The following CSMD2 variants were observed in gnomAD, a reference collection of about 807,000 sequenced individuals.
CSMD2 encodes the protein CUB and Sushi multiple domains 2, also known as CUB and sushi domain-containing protein 2.
CSMD2 carries 130 observed loss-of-function variants against 398.5 expected under a neutral mutation model. The ratio of observed to expected loss-of-function variants is 0.33; its 90% CI spans 0.28 to 0.38. The LOEUF is 0.38. Ranked by LOEUF, CSMD2 falls within the 10% of genes least tolerant of loss-of-function variation. CSMD2 has a pLI of 1.00. For missense variants in CSMD2, 3,829 were observed against 4,764.9 expected (o/e 0.80, Z 5.78); for synonymous variants, 1,828 against 1,908.5 (o/e 0.96, Z 1.10).
rs753962666 is a variant in CSMD2 at position 33,820,565 on chromosome 1, C to CA, written c.1112-10dup. Reference sequence around the variant, plus strand: ...CACACCAACCTGAGTTACTACAAGGCAAAAAAAAAAAAAAAAAAAAAAACA... The same window carrying CA: ...CACACCAACCTGAGTTACTACAAGGCAAAAAAAAAAAAAAAAAAAAAAAACA... On this transcript the variant is annotated splice_polypyrimidine_tract_variant and intron_variant, in intron 7 of 70. Transcript: ENST00000373381. The CA allele has an allele frequency of 0.018, 7,925 of 441,798 alleles. 120 individuals are homozygous for CA. The highest frequency in any genetic ancestry group is 0.022 in the South Asian group (708 of 32,228). The allele number at this position is 441,798 out of a possible 1,614,324, so 27.4% of individuals were successfully genotyped here.
At chr1:33,864,251 G>A in intron 5 of CSMD2, 2 of 1,610,696 alleles carry the variant, frequency 1.2e-6, no homozygotes, top group South Asian at 1.1e-5. Context: ...TTCACTTTTT[G>A]CTGAATTACA....
At chr1:33,735,677 C>T (rs934794755) in intron 15 of CSMD2, among the ~76,000 whole-genome samples, 1 of 152,200 alleles carries the variant, frequency 6.6e-6, no homozygotes, top group African/African-American at 2.4e-5. Flanking sequence ...AATCATCCTT[C>T]TTTCTAAATT....
intron 2 of CSMD2, among the ~76,000 whole-genome samples, chr1:34,049,223 T>C (rs1001872156): frequency 2.6e-5 from 4 of 152,198 alleles, no homozygotes; most frequent in African/African-American, 9.7e-5. Context: ...CCTGTGGGCC[T>C]CATCTGTAGA....
In CSMD2 at chr1:33,633,002, G is replaced by C. The variant is rs575182172; in HGVS notation, c.5200+420C>G. ...TTGTTGAATAAAATATGTAAACGTC[G>C]AAGTAGATACAAAGACTGGAAGGAA... On this transcript the variant is annotated intron_variant, in intron 32 of 70. Transcript: ENST00000373381. The surrounding 1 kb of genome is among the most constrained non-coding windows in gnomAD (Gnocchi z 5.0). Among the ~76,000 whole-genome samples, 1 of 152,124 alleles carries C rather than the reference G, an allele frequency of 6.6e-6. No homozygotes were observed. Among genetic ancestry groups the C allele is most frequent in the Non-Finnish European group, 1.5e-5 (1 of 68,022 alleles).
intron 2 of CSMD2, among the ~76,000 whole-genome samples, chr1:34,044,864 G>A (rs1037149828): frequency 2.0e-5 from 3 of 152,158 alleles, no homozygotes; most frequent in Non-Finnish European, 1.5e-5. Context: ...TGTAAGCAAC[G>A]TTTGTCACAC....
intron 3 of CSMD2, among the ~76,000 whole-genome samples, chr1:34,020,441 C>T (rs1053339948): frequency 2.0e-5 from 3 of 152,168 alleles, no homozygotes; most frequent in Admixed American, 6.5e-5. Flanking sequence ...GTCCATGAGA[C>T]GGGTCTCAGG....
intron 25 of CSMD2, among the ~76,000 whole-genome samples, chr1:33,668,881 C>A (rs1644399118): frequency 6.6e-6 from 1 of 152,166 alleles, no homozygotes; most frequent in Admixed American, 6.5e-5. Context: ...TCTGTGCTTG[C>A]CCTGGAGGAA....
At chr1:33,529,151 T>C (rs1010356643) in intron 64 of CSMD2, among the ~76,000 whole-genome samples, 6 of 152,214 alleles carry the variant, frequency 3.9e-5, no homozygotes, top group Admixed American at 3.9e-4. Context: ...ACAATTTATT[T>C]TTATTTAGAG....
intron 10 of CSMD2, among the ~76,000 whole-genome samples, chr1:33,798,923 T>A (rs1410437199): frequency 3.3e-5 from 5 of 152,220 alleles, no homozygotes; most frequent in Non-Finnish European, 7.3e-5. Context: ...CTGCAGAGGA[T>A]CTGCCAGCTC....
intron 9 of CSMD2, chr1:33,814,127 CT>C (rs1657183618): frequency 6.6e-6 from 1 of 152,274 alleles, no homozygotes; most frequent in Non-Finnish European, 1.5e-5. Context: ...GTCTTGTCTT[CT>C]GTCCTTATGC....
rs2148564165 is a variant in CSMD2 at position 33,533,164 on chromosome 1, T to C, written c.10057A>G (p.Met3353Val). 1 of 1,613,974 alleles carries C rather than the reference T, an allele frequency of 6.2e-7. No individual in the cohort carries two copies. Among genetic ancestry groups the C allele is most frequent in the South Asian group, 1.1e-5 (1 of 91,028 alleles). ...ANVGALDLPS[M>V]GYTLIYSCQE... ...CAGGAGTAGATGAGCGTGTAGCCCATGGAGGGCAAATCCAGGGCCCCGACG... is the reference window on the plus strand; with the variant it reads ...CAGGAGTAGATGAGCGTGTAGCCCACGGAGGGCAAATCCAGGGCCCCGACG... Residue 3353 changes from methionine (M) to valine (V), a missense_variant, in exon 64 of 71, where the codon ATG becomes GTG. By Grantham distance (21) the Met-to-Val change is conservative (BLOSUM62 1). Transcript: ENST00000373381. The surrounding 1 kb of genome is among the most constrained non-coding windows in gnomAD (Gnocchi z 4.2).
intron 10 of CSMD2, chr1:33,804,892 CT>C (rs1656042111): frequency 4.2e-6 from 3 of 717,250 alleles, no homozygotes; most frequent in African/African-American, 1.7e-5. Context: ...CCTGGGTCTC[CT>C]CCCGCCTGGA....
chr1:33,950,173 T>G (rs993960505), intron 3 of CSMD2, among the ~76,000 whole-genome samples: 1 of 152,114 alleles, frequency 6.6e-6, no homozygotes. Context: ...TTGTTCTGTC[T>G]TCAGACTTGC....
At chr1:33,672,957 T>C (rs945200328) in intron 25 of CSMD2, among the ~76,000 whole-genome samples, 1 of 152,240 alleles carries the variant, frequency 6.6e-6, no homozygotes, top group Admixed American at 6.5e-5. Flanking sequence ...CAAAACCCCA[T>C]CTGTACGTCA....
intron 21 of CSMD2, among the ~76,000 whole-genome samples, chr1:33,711,503 T>C (rs942009727): frequency 6.6e-6 from 1 of 152,192 alleles, no homozygotes; most frequent in Non-Finnish European, 1.5e-5. Flanking sequence ...GGTTAGCACA[T>C]AGTAGCCTCT....
At chr1:33,993,659 C>A (rs1646633973) in intron 3 of CSMD2, among the ~76,000 whole-genome samples, 1 of 152,194 alleles carries the variant, frequency 6.6e-6, no homozygotes, top group Admixed American at 6.5e-5. Flanking sequence ...AAGAGAAATG[C>A]ATTCCTTTGC....
intron 1 of CSMD2, among the ~76,000 whole-genome samples, chr1:34,104,172 C>T (rs569035150): frequency 1.8e-4 from 27 of 152,182 alleles, no homozygotes; most frequent in South Asian, 4.2e-4. Context: ...CACTTTTTGC[C>T]GCACTAGTGA....
intron 5 of CSMD2, chr1:33,863,921 T>C (rs188073558): frequency 3.7e-4 from 140 of 374,410 alleles, no homozygotes; most frequent in African/African-American, 2.8e-3. Context: ...GAGGCAAACA[T>C]TGACCCTCAA....
chr1:33,633,791 G>T lies in CSMD2; in HGVS notation c.5087-256C>A, dbSNP rs1032785185. Among the ~76,000 whole-genome samples, 2 of 152,198 alleles carry T rather than the reference G, an allele frequency of 1.3e-5. No individual in the cohort carries two copies. Among genetic ancestry groups the T allele is most frequent in the African/African-American group, 4.8e-5 (2 of 41,462 alleles). On this transcript the variant is annotated intron_variant, in intron 31 of 70. Coordinates refer to ENST00000373381, the MANE Select transcript of CSMD2 (RefSeq NM_001281956.2). The surrounding 1 kb of genome is among the most constrained non-coding windows in gnomAD (Gnocchi z 5.0). Reference sequence around the variant, plus strand: ...GACAACATGGAGGGCTGCACCCAAAGGTCAGGCGGGTAGAGGCGAAATGGA... The same window carrying T: ...GACAACATGGAGGGCTGCACCCAAATGTCAGGCGGGTAGAGGCGAAATGGA...
Sources: allele counts gnomAD v4.1 joint callset (sites outside exome capture counted in the v4.1 genomes callset), GRCh38; gene constraint gnomAD v4.1.1; non-coding constraint Gnocchi (gnomAD v3.1); transcripts MANE v1.5; gene names NCBI Gene and HGNC (gene_info 2026-07-23, HGNC 2026-07-21).